Variants in CACNA2D2 observed in about 807,000 individuals in gnomAD.
The protein encoded by CACNA2D2 is calcium voltage-gated channel auxiliary subunit alpha2delta 2.
In CACNA2D2, 48 loss-of-function variants were observed where a neutral mutation model predicts 166.4. That is an observed-to-expected ratio of 0.29 (90% CI 0.23 to 0.37). The LOEUF (loss-of-function observed/expected upper bound fraction) is 0.37. Ranked by LOEUF, CACNA2D2 falls within the 10% of genes least tolerant of loss-of-function variation. CACNA2D2 has a pLI of 1.00. For missense variants in CACNA2D2, 1,122 were observed against 1,433.0 expected, an observed-to-expected ratio of 0.78 and a Z score of 3.50; for synonymous variants, 561 against 573.7, an observed-to-expected ratio of 0.98 and a Z score of 0.32.
chr3:50,472,606 T>C (rs1338936261), intron 2 of CACNA2D2, among the ~76,000 whole-genome samples: 1 of 152,064 alleles, frequency 6.6e-6, no homozygotes, highest in Admixed American at 6.5e-5. Flanking sequence ...TCATCATGTC[T>C]GACTATAATC....
In CACNA2D2 at chr3:50,457,549, C is replaced by T. The variant is rs1304048913; in HGVS notation, c.288+18569G>A. 2.0e-5 allele frequency among the ~76,000 whole-genome samples: 3 copies of T among 152,170 alleles called. No individual in the cohort carries two copies. In the East Asian group the frequency reaches 5.8e-4, roughly 29 times the overall value. ...CTCTGCCTTGGCTCCGCAGTCCATC[C>T]CTGGCCCCAGGTGCTCTGGTCCAGC... On this transcript the variant is annotated intron_variant, in intron 2 of 37. Transcript: ENST00000424201.
intron 1 of CACNA2D2, among the ~76,000 whole-genome samples, chr3:50,500,990 GCTC>G (rs1698940025): frequency 6.6e-6 from 1 of 152,114 alleles, no homozygotes; most frequent in Non-Finnish European, 1.5e-5. Flanking sequence ...AAAATGACTT[GCTC>G]ATCAGGGGCC....
intron 1 of CACNA2D2, among the ~76,000 whole-genome samples, chr3:50,491,727 C>A (rs527632100): frequency 1.3e-5 from 2 of 152,348 alleles, no homozygotes; most frequent in East Asian, 3.9e-4. Flanking sequence ...AGTCGGGGGA[C>A]TCACAGCCGT....
chr3:50,383,940 G>A (rs1193740398), intron 6 of CACNA2D2, among the ~76,000 whole-genome samples: 1 of 152,224 alleles, frequency 6.6e-6, no homozygotes. Flanking sequence ...GGACACGTGG[G>A]CAGGAGACCA....
chr3:50,378,373 C>T (rs757600244), intron 13 of CACNA2D2, 40 bp from the exon 14 acceptor site: 28 of 1,545,002 alleles, frequency 1.8e-5, no homozygotes, highest in Non-Finnish European at 2.5e-5. Flanking sequence ...CTGGCTGGCA[C>T]TGCAGGATCC....
intron 2 of CACNA2D2, among the ~76,000 whole-genome samples, chr3:50,455,298 G>A (rs1322454112): frequency 2.6e-5 from 4 of 152,194 alleles, no homozygotes; most frequent in South Asian, 2.1e-4. Flanking sequence ...TCTCACAGAT[G>A]AGCGGCATAA....
intron 2 of CACNA2D2, among the ~76,000 whole-genome samples, chr3:50,474,634 G>C (rs1710230673): frequency 6.6e-6 from 1 of 152,174 alleles, no homozygotes; most frequent in Non-Finnish European, 1.5e-5. Flanking sequence ...TTATTGACTG[G>C]AGGAGTACCG....
Position 50,364,682 on chromosome 3 carries a change from G to A in CACNA2D2, c.3416C>T (p.Ala1139Val), listed in dbSNP as rs1217296239. 5 of 1,536,370 alleles carry A rather than the reference G, an allele frequency of 3.3e-6. No individual in the cohort carries two copies. Among genetic ancestry groups the A allele is most frequent in the Admixed American group, 2.1e-5 (1 of 48,672 alleles). Residue 1139 changes from alanine to valine, a missense_variant, in exon 38 of 38, where the codon GCC becomes GTC. By Grantham distance (64) the Ala-to-Val change is moderately conservative (BLOSUM62 0). Coordinates refer to ENST00000424201, the MANE Select transcript of CACNA2D2 (RefSeq NM_006030.4). ...PRPQPQVLVH[A>V]SRRL ...GCAGGGTGCTCAGAGGCGGCGAGAG[G>A]CGTGGACGAGGACTTGAGGCTGCGG...
chr3:50,404,559 C>A (rs939962710), intron 3 of CACNA2D2, among the ~76,000 whole-genome samples: 3 of 152,298 alleles, frequency 2.0e-5, no homozygotes, highest in Non-Finnish European at 2.9e-5. Flanking sequence ...GCCCCAACAT[C>A]CTCCTCCAAG....
chr3:50,380,663 C>T lies in CACNA2D2; in HGVS notation c.842+85G>A, dbSNP rs1446179815. On this transcript the variant is annotated intron_variant, in intron 8 of 37. Transcript: ENST00000424201. This position sits in a 1 kb window ranked among gnomAD's most constrained non-coding sequence, Gnocchi z 4.9. ...CAGCTGGCTGCGCCCTGCTAGGAGGCTTGGAAATGGGGAGGGAGGGGAGCA... is the reference window on the plus strand; with the variant it reads ...CAGCTGGCTGCGCCCTGCTAGGAGGTTTGGAAATGGGGAGGGAGGGGAGCA... The T allele has an allele frequency of 8.7e-7, 1 of 1,144,066 alleles. No homozygotes were observed. Among genetic ancestry groups the T allele is most frequent in the Non-Finnish European group, 1.2e-6 (1 of 826,038 alleles). The allele number at this position is 1,144,066 out of a possible 1,614,324, so 70.9% of individuals were successfully genotyped here. A position where few individuals can be genotyped will look rare whatever the true frequency, so the allele number is the denominator to read the frequency against.
At chr3:50,377,057 T>A (rs193233869) in intron 17 of CACNA2D2, among the ~76,000 whole-genome samples, 115 of 152,352 alleles carry the variant, frequency 7.5e-4, no homozygotes, top group African/African-American at 2.7e-3. Context: ...TGGTTTTATG[T>A]TTTTAAATGG....
At chr3:50,416,572 G>C (rs1707273673) in intron 3 of CACNA2D2, among the ~76,000 whole-genome samples, 4 of 152,214 alleles carry the variant, frequency 2.6e-5, no homozygotes, top group African/African-American at 2.4e-5. Context: ...GGGGGGCTCT[G>C]AAAACCCCTG....
intron 2 of CACNA2D2, among the ~76,000 whole-genome samples, chr3:50,468,857 C>T (rs1237163756): frequency 2.2e-5 from 3 of 134,828 alleles, no homozygotes; most frequent in African/African-American, 8.7e-5. Context: ...GAGATAGAAT[C>T]TTACTCTGTT....
At chr3:50,390,870 G>T (rs1317216912) in intron 4 of CACNA2D2, among the ~76,000 whole-genome samples, 1 of 152,216 alleles carries the variant, frequency 6.6e-6, no homozygotes, top group Non-Finnish European at 1.5e-5. Flanking sequence ...CTTGGAAGGT[G>T]GCTGCCAAGG....
intron 2 of CACNA2D2, among the ~76,000 whole-genome samples, chr3:50,458,766 T>A (rs527295149): frequency 7.2e-5 from 11 of 152,350 alleles, no homozygotes; most frequent in Admixed American, 2.0e-4. Flanking sequence ...CTATGGTGAT[T>A]GACTTACCAG....
chr3:50,423,232 GCTAT>G (rs1191588016), intron 3 of CACNA2D2, among the ~76,000 whole-genome samples: 8 of 152,210 alleles, frequency 5.3e-5, no homozygotes, highest in Admixed American at 3.3e-4. Flanking sequence ...TGCCTCACTG[GCTAT>G]CTGTCTGTTC....
At chr3:50,388,834 G>T (rs1424454884) in intron 4 of CACNA2D2, among the ~76,000 whole-genome samples, 2 of 152,244 alleles carry the variant, frequency 1.3e-5, no homozygotes, top group Non-Finnish European at 2.9e-5. Context: ...TCTAGGGGCT[G>T]CAGGCCACTG....
At chr3:50,397,314 T>A (rs1706211233) in intron 3 of CACNA2D2, among the ~76,000 whole-genome samples, 2 of 152,202 alleles carry the variant, frequency 1.3e-5, no homozygotes, top group African/African-American at 4.8e-5. Flanking sequence ...AATCAGTCCA[T>A]CCCTGGGCAC....
At chr3:50,404,908 G>A (rs1280690312) in intron 3 of CACNA2D2, among the ~76,000 whole-genome samples, 1 of 152,180 alleles carries the variant, frequency 6.6e-6, no homozygotes. Context: ...AATTTAGGGT[G>A]CTAGGAAGCT....
Sources: allele counts gnomAD v4.1 joint callset (sites outside exome capture counted in the v4.1 genomes callset), GRCh38; gene constraint gnomAD v4.1.1; non-coding constraint Gnocchi (gnomAD v3.1); transcripts MANE v1.5; gene names NCBI Gene and HGNC (gene_info 2026-07-23, HGNC 2026-07-21).